Variants in SAMMSON observed in about 807,000 individuals in gnomAD.
SAMMSON encodes long intergenic non-protein coding RNA 1212.
chr3:70,281,225 T>A (rs908186381), intron 6 of SAMMSON, among the ~76,000 whole-genome samples: 2 of 152,142 alleles, frequency 1.3e-5, no homozygotes, highest in African/African-American at 2.4e-5. Context: ...TCACATCTGA[T>A]CATGTTCCTC....
chr3:70,289,292 A>G (rs1702202713), intron 6 of SAMMSON, among the ~76,000 whole-genome samples: 1 of 150,954 alleles, frequency 6.6e-6, no homozygotes, highest in Non-Finnish European at 1.5e-5. Context: ...TTGTCTGTAA[A>G]GTATTTTATT....
intron 7 of SAMMSON, among the ~76,000 whole-genome samples, chr3:70,322,245 C>A (rs79804682): frequency 0.023 from 3,568 of 152,158 alleles, 84 homozygotes; most frequent in South Asian, 0.078. Context: ...ATATTATTGA[C>A]CGAGGTATGA....
intron 7 of SAMMSON, among the ~76,000 whole-genome samples, chr3:70,331,367 A>T (rs1029850084): frequency 2.0e-5 from 3 of 152,088 alleles, no homozygotes; most frequent in Non-Finnish European, 4.4e-5. Context: ...ACATTCTGGG[A>T]CTCCAAAGAG....
chr3:70,174,337 A>G (rs1700991427), intron 4 of SAMMSON, among the ~76,000 whole-genome samples: 1 of 152,006 alleles, frequency 6.6e-6, no homozygotes, highest in Non-Finnish European at 1.5e-5. Flanking sequence ...TATATTTTTA[A>G]GTACACTTTA....
intron 4 of SAMMSON, among the ~76,000 whole-genome samples, chr3:70,117,716 C>G (rs1406409406): frequency 6.6e-6 from 1 of 152,100 alleles, no homozygotes; most frequent in Non-Finnish European, 1.5e-5. Flanking sequence ...ATATCTTACC[C>G]AGGGCTTGTC....
chr3:70,345,414 G>C (rs1702743002), intron 7 of SAMMSON, among the ~76,000 whole-genome samples: 1 of 152,146 alleles, frequency 6.6e-6, no homozygotes. Flanking sequence ...TTTCAAGTGA[G>C]ACTGCTTCAT....
At chr3:70,017,396 G>A (rs2066990620) in intron 3 of SAMMSON, among the ~76,000 whole-genome samples, 1 of 151,954 alleles carries the variant, frequency 6.6e-6, no homozygotes, top group Admixed American at 6.6e-5. Context: ...TCTGTTATTG[G>A]TGTATAAGAA....
intron 3 of SAMMSON, among the ~76,000 whole-genome samples, chr3:70,022,186 C>A (rs1416004598): frequency 6.8e-6 from 1 of 147,840 alleles, no homozygotes; most frequent in Admixed American, 7.0e-5. Flanking sequence ...CCGATTCTGC[C>A]CAGTAATTCA....
chr3:70,303,174 T>C (rs1702366549), intron 7 of SAMMSON, among the ~76,000 whole-genome samples: 1 of 152,168 alleles, frequency 6.6e-6, no homozygotes, highest in Non-Finnish European at 1.5e-5. Context: ...GGGTCATTGC[T>C]ACTGGCTCTT....
intron 1 of SAMMSON, among the ~76,000 whole-genome samples, chr3:70,011,921 A>G (rs750894080): frequency 6.6e-6 from 1 of 152,250 alleles, no homozygotes; most frequent in East Asian, 1.9e-4. Context: ...GAAGTTTCAG[A>G]TGAAATAAAT....
At chr3:70,390,729 A>G (rs1481980397), downstream of SAMMSON, among the ~76,000 whole-genome samples, 1 of 152,120 alleles carries the variant, frequency 6.6e-6, no homozygotes, top group African/African-American at 2.4e-5. Context: ...AGGATTCAAC[A>G]TGAGATTTTG....
At position 70,366,083 on chromosome 3, in the gene SAMMSON, C is replaced by T. The variant is rs1442218061; in HGVS notation, n.913+7759C>T. On this transcript the variant is annotated intron_variant and non_coding_transcript_variant, in intron 9 of 9. Coordinates refer to ENST00000642114, the Ensembl canonical transcript of SAMMSON. ...TCGGCTCACTGCAAGCTCCGCTTCC[C>T]GGGTTCACGCCATTCTCCTGCCTCA... Among the ~76,000 whole-genome samples the T allele has an allele frequency of 3.6e-5, 2 of 55,936 alleles. 1 individual carries two copies. The highest frequency in any genetic ancestry group is 7.8e-5 in the Non-Finnish European group (2 of 25,524). 36.7% of individuals were successfully genotyped at this position (55,936 alleles called of 152,430 possible).
chr3:70,117,592 C>G (rs1401282018), intron 4 of SAMMSON, among the ~76,000 whole-genome samples: 2 of 152,204 alleles, frequency 1.3e-5, no homozygotes, highest in Non-Finnish European at 2.9e-5. Context: ...AGTATTTTGT[C>G]TTTTAAGAGT....
intron 4 of SAMMSON, among the ~76,000 whole-genome samples, chr3:70,091,413 T>C (rs1182363306): frequency 1.3e-5 from 2 of 152,204 alleles, no homozygotes; most frequent in Admixed American, 6.5e-5. Context: ...GTTTTCAGGC[T>C]CTATCCCAAG....
At chr3:70,397,267 G>A (rs181226740) in intron 2 of SAMMSON, among the ~76,000 whole-genome samples, 86 of 152,160 alleles carry the variant, frequency 5.7e-4, no homozygotes, top group Non-Finnish European at 9.6e-4. Context: ...TTCTGGGATC[G>A]CTAGTATGTC....
chr3:70,376,287 C>G (rs1370055957), intron 9 of SAMMSON, among the ~76,000 whole-genome samples: 1 of 152,180 alleles, frequency 6.6e-6, no homozygotes, highest in Non-Finnish European at 1.5e-5. Flanking sequence ...GTTCGTCCTT[C>G]AACTAGTTGG....
chr3:70,171,916 G>A (rs946971161), intron 4 of SAMMSON, among the ~76,000 whole-genome samples: 31 of 151,886 alleles, frequency 2.0e-4, no homozygotes, highest in African/African-American at 7.2e-4. Flanking sequence ...TCAAGTTGCA[G>A]GTTTCTATAT....
At chr3:70,425,536 C>G (rs1272075497) in intron 2 of SAMMSON, among the ~76,000 whole-genome samples, 1 of 151,846 alleles carries the variant, frequency 6.6e-6, no homozygotes. Context: ...CTCAGCCTCC[C>G]TAGTAGCTGG....
At chr3:70,374,674 A>C (rs1393266773) in intron 9 of SAMMSON, among the ~76,000 whole-genome samples, 1 of 152,102 alleles carries the variant, frequency 6.6e-6, no homozygotes, top group African/African-American at 2.4e-5. Flanking sequence ...GACTATGGGG[A>C]TGAAAGTCCT....
Sources: allele counts gnomAD v4.1 joint callset (sites outside exome capture counted in the v4.1 genomes callset), GRCh38; gene constraint gnomAD v4.1.1; transcripts MANE v1.5; gene names NCBI Gene and HGNC (gene_info 2026-07-23, HGNC 2026-07-21).